The following SAMMSON variants were observed in gnomAD, a reference collection of about 807,000 sequenced individuals.
SAMMSON encodes long intergenic non-protein coding RNA 1212.
Position 70,366,195 on chromosome 3 carries a change from T to A in SAMMSON, n.913+7871T>A, listed in dbSNP as rs201810905. On this transcript the variant is annotated intron_variant and non_coding_transcript_variant, in intron 9 of 9. Transcript: ENST00000642114. ...TTAGTAGAGACGGGGTTTCACCTTG[T>A]TAGCCAGGATGGTCTCGATCTCCTG... 5.9e-4 allele frequency among the ~76,000 whole-genome samples: 52 copies of A among 88,180 alleles called. 13 individuals are homozygous for A. The East Asian group carries it at 0.013, about 22-fold the overall frequency. The allele number at this position is 88,180 out of a possible 152,430, so 57.8% of individuals were successfully genotyped here.
intron 4 of SAMMSON, among the ~76,000 whole-genome samples, chr3:70,190,438 T>C (rs770768219): frequency 2.0e-5 from 3 of 152,208 alleles, no homozygotes; most frequent in Non-Finnish European, 4.4e-5. Context: ...CCTTAATAAA[T>C]TGAAAGCTCA....
intron 9 of SAMMSON, among the ~76,000 whole-genome samples, chr3:70,362,412 G>A (rs956815279): frequency 6.6e-6 from 1 of 152,056 alleles, no homozygotes; most frequent in Non-Finnish European, 1.5e-5. Context: ...GTATGTCTTT[G>A]ACCTTATGTT....
intron 4 of SAMMSON, among the ~76,000 whole-genome samples, chr3:70,086,468 G>C (rs1021183839): frequency 6.6e-6 from 1 of 152,232 alleles, no homozygotes; most frequent in African/African-American, 2.4e-5. Context: ...TGGCATGGTT[G>C]AGCTAGGATA....
intron 4 of SAMMSON, among the ~76,000 whole-genome samples, chr3:70,098,630 G>T (rs1219420842): frequency 3.9e-5 from 6 of 152,086 alleles, no homozygotes; most frequent in Non-Finnish European, 1.5e-5. Context: ...GCCTCCCAAA[G>T]TGCTGGGATT....
intron 3 of SAMMSON, among the ~76,000 whole-genome samples, chr3:70,050,756 T>A (rs553416194): frequency 4.5e-4 from 69 of 151,900 alleles, no homozygotes; most frequent in African/African-American, 1.5e-3. Flanking sequence ...ATTTTGGCAG[T>A]TTGGAGAGGC....
At chr3:70,108,342 T>C (rs1393460019) in intron 4 of SAMMSON, among the ~76,000 whole-genome samples, 1 of 150,158 alleles carries the variant, frequency 6.7e-6, no homozygotes. Context: ...ACGCAGGCAA[T>C]ATAAGTGCTA....
intron 9 of SAMMSON, among the ~76,000 whole-genome samples, chr3:70,362,647 T>G (rs561266424): frequency 6.6e-6 from 1 of 152,218 alleles, no homozygotes; most frequent in South Asian, 2.1e-4. Flanking sequence ...CTGGACTTGG[T>G]AAAAAAGTGT....
At chr3:70,421,117 A>G (rs1290175023) in intron 2 of SAMMSON, among the ~76,000 whole-genome samples, 2 of 152,044 alleles carry the variant, frequency 1.3e-5, no homozygotes, top group South Asian at 2.1e-4. Flanking sequence ...ACAAGAAAAG[A>G]TCTTCCAAAG....
chr3:70,015,991 C>A (rs149291733), intron 3 of SAMMSON, among the ~76,000 whole-genome samples: 58,693 of 152,034 alleles, frequency 0.39, 11,765 homozygotes, highest in East Asian at 0.6. Context: ...GGTTGCAAGT[C>A]TTTGCTGTTG....
At chr3:70,059,350 G>A (rs1424536806) in intron 3 of SAMMSON, among the ~76,000 whole-genome samples, 1 of 151,992 alleles carries the variant, frequency 6.6e-6, no homozygotes, top group African/African-American at 2.4e-5. Flanking sequence ...ATATATAGAA[G>A]GAGATTGATA....
At chr3:70,418,424 G>C (rs990840456) in intron 2 of SAMMSON, among the ~76,000 whole-genome samples, 3 of 152,148 alleles carry the variant, frequency 2.0e-5, no homozygotes, top group Admixed American at 6.5e-5. Context: ...GTGGATGTCA[G>C]GGCATCTGTC....
chr3:70,349,357 G>A (rs555546126), intron 7 of SAMMSON, among the ~76,000 whole-genome samples: 4 of 152,016 alleles, frequency 2.6e-5, no homozygotes, highest in African/African-American at 9.7e-5. Context: ...CTAGGCAACA[G>A]AGTGAAACTC....
At chr3:70,248,748 C>G (rs1701731771) in intron 4 of SAMMSON, among the ~76,000 whole-genome samples, 1 of 152,040 alleles carries the variant, frequency 6.6e-6, no homozygotes, top group African/African-American at 2.4e-5. Flanking sequence ...AACTCAACAG[C>G]TCAACATATT....
At chr3:70,048,431 A>G (rs929512452) in intron 3 of SAMMSON, among the ~76,000 whole-genome samples, 69 of 152,220 alleles carry the variant, frequency 4.5e-4, no homozygotes, top group African/African-American at 1.5e-3. Context: ...AATTTTTATT[A>G]CAATCCTTGG....
chr3:70,004,705 T>C lies in SAMMSON; in HGVS notation n.22+4838T>C, dbSNP rs1559769821. On this transcript the variant is annotated intron_variant and non_coding_transcript_variant, in intron 1 of 9. Transcript: ENST00000642114. ...CAAAATACAATGCAACATAACTGCA[T>C]TGGTCACAAGTTATAGTTTTTAAAA... 3.9e-5 allele frequency among the ~76,000 whole-genome samples: 6 copies of C among 152,318 alleles called. No homozygotes were observed. In the South Asian group the frequency reaches 8.3e-4, roughly 21 times the overall value.
intron 4 of SAMMSON, among the ~76,000 whole-genome samples, chr3:70,078,952 A>T (rs936175608): frequency 6.6e-6 from 1 of 152,188 alleles, no homozygotes; most frequent in African/African-American, 2.4e-5. Flanking sequence ...ACTAAATCTG[A>T]CCCACTGCCT....
At chr3:70,316,559 TC>T (rs1249152322) in intron 7 of SAMMSON, among the ~76,000 whole-genome samples, 1 of 152,122 alleles carries the variant, frequency 6.6e-6, no homozygotes, top group African/African-American at 2.4e-5. Flanking sequence ...AAATAGCCAT[TC>T]TAATGACCAA....
intron 9 of SAMMSON, among the ~76,000 whole-genome samples, chr3:70,388,839 T>C (rs1418628506): frequency 6.6e-6 from 1 of 152,074 alleles, no homozygotes; most frequent in Non-Finnish European, 1.5e-5. Context: ...TGGATGTGGT[T>C]TGTCCCCACC....
intron 3 of SAMMSON, among the ~76,000 whole-genome samples, chr3:70,031,270 G>A (rs2131122): frequency 0.55 from 83,987 of 151,866 alleles, 25,082 homozygotes; most frequent in African/African-American, 0.77. Context: ...ACATTGCACT[G>A]AATGAAATAA....
Sources: gnomAD v4.1 joint callset for allele counts (sites outside exome capture counted in the v4.1 genomes callset) on GRCh38, gnomAD v4.1.1 for gene constraint, MANE v1.5 for transcripts, NCBI Gene and HGNC (gene_info 2026-07-23, HGNC 2026-07-21) for gene names.